Variants in CNOT2 observed in about 807,000 individuals in gnomAD.
CNOT2 encodes CC chemokine receptor 4-negative regulator of transcription 2.
A neutral mutation model predicts 72.1 loss-of-function variants in CNOT2; 7 were observed. That is an observed-to-expected ratio of 0.10 (90% confidence interval 0.06 to 0.18). The LOEUF (loss-of-function observed/expected upper bound fraction) is 0.18, where lower values mean the gene tolerates loss of function less well. CNOT2 is among the 10% of genes least tolerant of loss of function. CNOT2 has a pLI of 1.00. For synonymous variants in CNOT2, 196 were observed against 225.6 expected (o/e 0.87, Z 1.17); for missense variants, 345 against 660.3 (o/e 0.52, Z 5.23).
chr12:70,260,613 AGTT>A (rs150849645), intron 1 of CNOT2, among the ~76,000 whole-genome samples: 6,860 of 152,044 alleles, frequency 0.045, 658 homozygotes, highest in East Asian at 0.44. Context: ...TCTTGTATCT[AGTT>A]GTTGTATTCA....
At chr12:70,330,111 ATTGT>A (rs1250417031) in intron 5 of CNOT2, among the ~76,000 whole-genome samples, 172 bp from the exon 6 acceptor site, 1 of 151,858 alleles carries the variant, frequency 6.6e-6, no homozygotes, top group Non-Finnish European at 1.5e-5. Flanking sequence ...TTTGCCCTTT[ATTGT>A]TTGTTTACTT....
At chr12:70,327,270 GAA>G (rs137870889) in intron 4 of CNOT2, among the ~76,000 whole-genome samples, 1,723 of 151,850 alleles carry the variant, frequency 0.011, 33 homozygotes, top group African/African-American at 0.038. Context: ...CGATGAGAGA[GAA>G]AGAAAATGGA....
chr12:70,269,980 T>C (rs1959183969), intron 1 of CNOT2, among the ~76,000 whole-genome samples: 1 of 152,196 alleles, frequency 6.6e-6, no homozygotes, highest in Admixed American at 6.5e-5. Context: ...GTTTTAATAT[T>C]ATTGCCATTT....
At chr12:70,278,677 A>G (rs17226143) in intron 2 of CNOT2, among the ~76,000 whole-genome samples, 18,068 of 152,244 alleles carry the variant, frequency 0.12, 1,431 homozygotes, top group Non-Finnish European at 0.18. Flanking sequence ...AGAAATGTAG[A>G]CAAAATTGAG....
At chr12:70,256,472 T>C (rs1439320764) in intron 1 of CNOT2, among the ~76,000 whole-genome samples, 1 of 151,942 alleles carries the variant, frequency 6.6e-6, no homozygotes, top group Non-Finnish European at 1.5e-5. Context: ...TCTTGTATAT[T>C]GATATGTATT....
intron 3 of CNOT2, among the ~76,000 whole-genome samples, chr12:70,313,700 C>A (rs987996057): frequency 6.6e-6 from 1 of 151,978 alleles, no homozygotes; most frequent in Admixed American, 6.6e-5. Flanking sequence ...AAAATCAAAA[C>A]CTATTTTGTA....
At chr12:70,269,397 A>T (rs911736351) in intron 1 of CNOT2, among the ~76,000 whole-genome samples, 3 of 151,658 alleles carry the variant, frequency 2.0e-5, no homozygotes, top group African/African-American at 7.3e-5. Flanking sequence ...TTGTTCCATG[A>T]ACCTTTTTGG....
intron 2 of CNOT2, among the ~76,000 whole-genome samples, chr12:70,294,767 A>G (rs1293286579): frequency 6.6e-6 from 1 of 152,184 alleles, no homozygotes; most frequent in East Asian, 1.9e-4. Context: ...GCTATGTTTT[A>G]ATCTTTACAG....
At chr12:70,292,313 T>TC (rs1872060118) in intron 2 of CNOT2, among the ~76,000 whole-genome samples, 1 of 152,186 alleles carries the variant, frequency 6.6e-6, no homozygotes, top group African/African-American at 2.4e-5. Context: ...GTGTGTATGA[T>TC]ATAACATCAA....
intron 1 of CNOT2, among the ~76,000 whole-genome samples, chr12:70,272,096 G>A (rs959703950): frequency 3.9e-5 from 6 of 152,162 alleles, no homozygotes; most frequent in Admixed American, 6.5e-5. Context: ...AGGTGCTTCT[G>A]CTGCAGTCCT....
chr12:70,328,144 A>G (rs1879370576), intron 4 of CNOT2, among the ~76,000 whole-genome samples: 1 of 151,910 alleles, frequency 6.6e-6, no homozygotes, highest in African/African-American at 2.4e-5. Flanking sequence ...CATGGAATAT[A>G]TTAGTTATAT....
intron 11 of CNOT2, 44 bp downstream of exon 11, chr12:70,338,866 C>T (rs1351044738): frequency 1.3e-6 from 2 of 1,495,608 alleles, no homozygotes; most frequent in Middle Eastern, 1.8e-4. Context: ...AATACCTCTT[C>T]AGACTTCCAG....
In CNOT2 at chr12:70,318,806, G is replaced by T. The variant is rs139232598; in HGVS notation, c.172-492G>T. Among the ~76,000 whole-genome samples, 289 of 151,752 alleles carry T rather than the reference G, an allele frequency of 1.9e-3. 2 individuals carry two copies. Among genetic ancestry groups the T allele is most frequent in the African/African-American group, 6.7e-3 (278 of 41,466 alleles). On this transcript the variant is annotated intron_variant, in intron 3 of 15. Coordinates refer to ENST00000229195, the MANE Select transcript of CNOT2 (RefSeq NM_014515.7). ...ACATATTTTCATTTACTCAGCTTCA[G>T]TATTTACTTTTGAGTATATAACACT... is the stretch of plus-strand genomic sequence containing the variant.
At chr12:70,310,239 A>G (rs534519637) in intron 2 of CNOT2, among the ~76,000 whole-genome samples, 1 of 152,172 alleles carries the variant, frequency 6.6e-6, no homozygotes, top group African/African-American at 2.4e-5. Context: ...AGTGACAACA[A>G]TTTATGTTGG....
chr12:70,322,046 A>C (rs1343550710), intron 4 of CNOT2: 1 of 151,842 alleles, frequency 6.6e-6, no homozygotes, highest in Non-Finnish European at 1.5e-5. Context: ...TCTTGTATTC[A>C]AGTTGCATAA....
At chr12:70,342,547 C>A (rs568833980) in intron 13 of CNOT2, among the ~76,000 whole-genome samples, 1 of 152,256 alleles carries the variant, frequency 6.6e-6, no homozygotes, top group East Asian at 1.9e-4. Context: ...TAGATTGGAA[C>A]ATTTGATAAA....
At chr12:70,297,854 C>T (rs560822354) in intron 2 of CNOT2, 8 of 246,208 alleles carry the variant, frequency 3.2e-5, no homozygotes, top group Middle Eastern at 1.6e-3. Flanking sequence ...TCTCCTGCCT[C>T]GGCCTCCAAG....
At position 70,330,290 on chromosome 12, in the gene CNOT2, T is replaced by C. The variant is rs558560944; in HGVS notation, c.390T>C (p.Gly130=). The change falls in exon 6 of 16, where the codon GGT becomes GGC. Residue 130 remains glycine (G), a synonymous_variant. Transcript: ENST00000229195. ...SLHTPPSPSR[G]ILPMNPRNMM... ...GTATAATGGACTTCTTTTTCAGGGGTATTTTGCCTATGAATCCTAGGAATA... is the reference window on the plus strand; with the variant it reads ...GTATAATGGACTTCTTTTTCAGGGGCATTTTGCCTATGAATCCTAGGAATA... The C allele has an allele frequency of 1.9e-6, 3 of 1,560,300 alleles. No individual in the cohort carries two copies. The East Asian group carries it at 6.8e-5, about 35-fold the overall frequency.
intron 2 of CNOT2, among the ~76,000 whole-genome samples, chr12:70,308,160 C>T (rs1875770715): frequency 6.6e-6 from 1 of 152,142 alleles, no homozygotes. Flanking sequence ...TCAGTTACTT[C>T]TCTGCTTGTT....
Sources: gnomAD v4.1 joint callset for allele counts (sites outside exome capture counted in the v4.1 genomes callset) on GRCh38, gnomAD v4.1.1 for gene constraint, MANE v1.5 for transcripts, NCBI Gene and HGNC (gene_info 2026-07-23, HGNC 2026-07-21) for gene names.